The following LITAF variants were observed in gnomAD, a reference collection of about 807,000 sequenced individuals.
The protein encoded by LITAF is lipopolysaccharide induced TNF factor, also known as lipopolysaccharide-induced tumor necrosis factor-alpha factor.
Under a neutral mutation model 14.5 loss-of-function variants are expected in LITAF, and 9 were observed. The ratio of observed to expected loss-of-function variants is 0.62; its 90% CI spans 0.37 to 1.08. The LOEUF is 1.08. Ranked by LOEUF, LITAF falls within the 50% of genes least tolerant of loss-of-function variation. The pLI is 0.01. For synonymous variants in LITAF, 98 were observed against 88.2 expected (o/e 1.11, Z -0.62); for missense variants, 206 against 213.4 (o/e 0.97, Z 0.22).
chr16:11,608,553 G>T (rs2064966288), intron 3 of LITAF, among the ~76,000 whole-genome samples: 1 of 152,190 alleles, frequency 6.6e-6, no homozygotes, highest in South Asian at 2.1e-4. Flanking sequence ...AACAAAATCC[G>T]GTCTATCCAT....
In LITAF at chr16:11,547,932, C is replaced by A. The variant is rs1439156115; in HGVS notation, c.*1705G>T. 4 of 453,962 alleles carry A rather than the reference C, an allele frequency of 8.8e-6. No individual in the cohort carries two copies. Among genetic ancestry groups the A allele is most frequent in the African/African-American group, 2.0e-5 (1 of 50,000 alleles). The allele number at this position is 453,962 out of a possible 1,614,324, so 28.1% of individuals were successfully genotyped here. On this transcript the variant is annotated 3_prime_UTR_variant, in exon 4 of 4. Coordinates refer to ENST00000622633, the MANE Select transcript of LITAF (RefSeq NM_001136472.2). Reference sequence around the variant, plus strand: ...TACCGTTACTGAACAAATAAAGGTTCTTTGTAGCAATGGCTGGAAATGCAA... The same window carrying A: ...TACCGTTACTGAACAAATAAAGGTTATTTGTAGCAATGGCTGGAAATGCAA...
intron 3 of LITAF, among the ~76,000 whole-genome samples, chr16:11,604,887 G>A (rs991061270): frequency 6.6e-6 from 1 of 151,954 alleles, no homozygotes; most frequent in Non-Finnish European, 1.5e-5. Flanking sequence ...TGAAGAGGCT[G>A]GGACCCACCC....
At chr16:11,570,198 T>C (rs1424888239) in intron 1 of LITAF, among the ~76,000 whole-genome samples, 1 of 152,032 alleles carries the variant, frequency 6.6e-6, no homozygotes, top group East Asian at 1.9e-4. Context: ...ATCTGGAAAA[T>C]GGGCCAACAG....
chr16:11,635,060 A>G (rs1597378882), intron 2 of LITAF, among the ~76,000 whole-genome samples: 1 of 60,910 alleles, frequency 1.6e-5, no homozygotes, highest in Non-Finnish European at 2.8e-5. Context: ...AAAATAAAAT[A>G]AAATAAAATA....
chr16:11,596,841 G>T (rs2064892121), intron 1 of LITAF, among the ~76,000 whole-genome samples: 1 of 151,296 alleles, frequency 6.6e-6, no homozygotes, highest in South Asian at 2.1e-4. Context: ...GAGGTGGTGG[G>T]GAGGAGGAAG....
chr16:11,556,155 G>T, intron 2 of LITAF: 1 of 424,740 alleles, frequency 2.4e-6, no homozygotes, highest in Non-Finnish European at 4.2e-6. Flanking sequence ...TCCTACCTCG[G>T]CCCTGGCCTC....
chr16:11,621,628 C>T (rs2065051950), intron 3 of LITAF, among the ~76,000 whole-genome samples: 1 of 152,176 alleles, frequency 6.6e-6, no homozygotes, highest in Non-Finnish European at 1.5e-5. Flanking sequence ...CATCCCAGCC[C>T]CCTTGCCCCT....
At chr16:11,574,510 A>G (rs2064599554) in intron 1 of LITAF, among the ~76,000 whole-genome samples, 1 of 152,174 alleles carries the variant, frequency 6.6e-6, no homozygotes, top group Non-Finnish European at 1.5e-5. Flanking sequence ...CCATAGTAAT[A>G]TTACATATTT....
At chr16:11,609,339 G>A (rs1372351288) in intron 3 of LITAF, among the ~76,000 whole-genome samples, 1 of 151,922 alleles carries the variant, frequency 6.6e-6, no homozygotes, top group African/African-American at 2.4e-5. Context: ...AGCCTCCTGA[G>A]TAGCTGGGGT....
intron 3 of LITAF, among the ~76,000 whole-genome samples, chr16:11,625,722 T>C (rs1228061176): frequency 6.6e-6 from 1 of 152,170 alleles, no homozygotes; most frequent in African/African-American, 2.4e-5. Context: ...CCTTCCCTTT[T>C]AATCTTTCAT....
chr16:11,625,157 T>C (rs1045663390), intron 3 of LITAF, among the ~76,000 whole-genome samples: 15 of 152,070 alleles, frequency 9.9e-5, no homozygotes, highest in Non-Finnish European at 2.1e-4. Flanking sequence ...AAGAGGAACA[T>C]GAGTGAAATT....
At chr16:11,635,212 A>G (rs2065133612) in intron 2 of LITAF, among the ~76,000 whole-genome samples, 2 of 152,232 alleles carry the variant, frequency 1.3e-5, no homozygotes, top group East Asian at 1.9e-4. Context: ...TTAGGTGGTT[A>G]TACGGATACA....
intron 1 of LITAF, among the ~76,000 whole-genome samples, chr16:11,560,889 A>T (rs1223752479): frequency 1.3e-5 from 2 of 152,158 alleles, no homozygotes; most frequent in African/African-American, 4.8e-5. Context: ...GCGTGTTGCT[A>T]GTTTCCTCTG....
rs779765623 is a variant in LITAF, at chr16:11,634,547, C to T, written c.-20-910G>A. ...ACATCACTATTGTAGAATCTAAGATCGGCCTTTTGAAACGTCTTCTCAGGT... is the reference window on the plus strand; with the variant it reads ...ACATCACTATTGTAGAATCTAAGATTGGCCTTTTGAAACGTCTTCTCAGGT... On this transcript the variant is annotated intron_variant, in intron 2 of 3. Coordinates refer to the LITAF transcript ENST00000574848. This position sits in a 1 kb window ranked among gnomAD's most constrained non-coding sequence, Gnocchi z 4.1. Among the ~76,000 whole-genome samples, 13 of 152,174 alleles carry T rather than the reference C, an allele frequency of 8.5e-5. No individual in the cohort carries two copies. The highest frequency in any genetic ancestry group is 2.4e-4 in the African/African-American group (10 of 41,444).
chr16:11,549,208 G>A lies in LITAF; in HGVS notation c.*429C>T, dbSNP rs1567232846. The A allele has an allele frequency of 2.2e-6, 1 of 451,668 alleles. No homozygotes were observed. Among genetic ancestry groups the A allele is most frequent in the Non-Finnish European group, 4.4e-6 (1 of 225,246 alleles). The allele number at this position is 451,668 out of a possible 1,614,324, so 28.0% of individuals were successfully genotyped here. A position where few individuals can be genotyped will look rare whatever the true frequency, so the allele number is the denominator to read the frequency against. ...AGATAATGGTAGGCACTAAAGGCTG[G>A]TTCAGCCGAGCTCTGGGCAGAACAG... On this transcript the variant is annotated 3_prime_UTR_variant, in exon 4 of 4. Coordinates refer to ENST00000622633, the MANE Select transcript of LITAF (RefSeq NM_001136472.2). The surrounding 1 kb of genome is among the most constrained non-coding windows in gnomAD (Gnocchi z 4.6).
At chr16:11,591,386 T>A (rs2064844898), upstream of LITAF, among the ~76,000 whole-genome samples, 1 of 138,140 alleles carries the variant, frequency 7.2e-6, no homozygotes, top group Admixed American at 7.2e-5. Flanking sequence ...GGTCTCACTA[T>A]GTTGCCCAGG....
chr16:11,601,815 C>T (rs2064929866), upstream of LITAF, among the ~76,000 whole-genome samples: 1 of 152,164 alleles, frequency 6.6e-6, no homozygotes, highest in Admixed American at 6.5e-5. Context: ...CTGCCTAGGC[C>T]TCCCATGTTG....
chr16:11,581,189 C>T (rs530129608), intron 1 of LITAF, among the ~76,000 whole-genome samples: 13 of 152,174 alleles, frequency 8.5e-5, no homozygotes, highest in African/African-American at 1.4e-4. Context: ...TATTTTCATC[C>T]GTTAATCTAT....
chr16:11,573,014 C>T (rs376224767), intron 1 of LITAF, among the ~76,000 whole-genome samples: 127 of 151,316 alleles, frequency 8.4e-4, no homozygotes, highest in African/African-American at 2.9e-3. Flanking sequence ...CTGCAACCTC[C>T]GCCTCCCAGG....
Sources: allele counts gnomAD v4.1 joint callset (sites outside exome capture counted in the v4.1 genomes callset), GRCh38; gene constraint gnomAD v4.1.1; non-coding constraint Gnocchi (gnomAD v3.1); transcripts MANE v1.5; gene names NCBI Gene and HGNC (gene_info 2026-07-23, HGNC 2026-07-21).